The following ADGRD1 variants were observed in gnomAD, a reference collection of about 807,000 sequenced individuals.
ADGRD1 encodes adhesion G protein-coupled receptor D1.
Under a neutral mutation model 113.4 loss-of-function variants are expected in ADGRD1, and 77 were observed. The ratio of observed to expected loss-of-function variants is 0.68; its 90% CI spans 0.57 to 0.82. The LOEUF (loss-of-function observed/expected upper bound fraction) is 0.82, where lower values mean the gene tolerates loss of function less well. Ranked by LOEUF, ADGRD1 falls within the 40% of genes least tolerant of loss-of-function variation. ADGRD1 has a pLI of 0.00. For missense variants in ADGRD1, 1,036 were observed against 1,139.1 expected (o/e 0.91, Z 1.30); for synonymous variants, 474 against 475.0 (o/e 1.00, Z 0.03).
At chr12:131,117,692 C>G (rs540587422) in intron 18 of ADGRD1, among the ~76,000 whole-genome samples, 1 of 152,198 alleles carries the variant, frequency 6.6e-6, no homozygotes, top group African/African-American at 2.4e-5. Flanking sequence ...AGGAAGGAAC[C>G]AGCCCACCTG....
chr12:131,053,918 A>T (rs1883627820), intron 13 of ADGRD1, among the ~76,000 whole-genome samples: 1 of 152,154 alleles, frequency 6.6e-6, no homozygotes, highest in Non-Finnish European at 1.5e-5. Flanking sequence ...CTCACTGAAG[A>T]TGTAATTTGC....
intron 20 of ADGRD1, among the ~76,000 whole-genome samples, chr12:131,126,976 A>G (rs1346813977): frequency 6.6e-6 from 1 of 152,162 alleles, no homozygotes; most frequent in Non-Finnish European, 1.5e-5. Flanking sequence ...TGCCACTCGC[A>G]GCCAAAGTCC....
chr12:131,066,705 C>T (rs1305208836), intron 13 of ADGRD1, among the ~76,000 whole-genome samples: 8 of 152,176 alleles, frequency 5.3e-5, no homozygotes, highest in Non-Finnish European at 1.0e-4. Flanking sequence ...AGGAGCAGCA[C>T]GTGGGAGGCC....
chr12:131,077,216 G>C (rs1252451193), intron 14 of ADGRD1, among the ~76,000 whole-genome samples: 1 of 151,200 alleles, frequency 6.6e-6, no homozygotes, highest in African/African-American at 2.5e-5. Context: ...TGTCCCCCTC[G>C]AGGGTCTTGG....
In ADGRD1 at chr12:130,985,188, C is replaced by T. The variant is rs368563729; in HGVS notation, c.491-1907C>T. Among the ~76,000 whole-genome samples, 35 of 152,000 alleles carry T rather than the reference C, an allele frequency of 2.3e-4. 1 individual carries two copies. In the South Asian group the frequency reaches 6.9e-3, roughly 30 times the overall value. On this transcript the variant is annotated intron_variant, in intron 5 of 24. Coordinates refer to ENST00000261654, the MANE Select transcript of ADGRD1 (RefSeq NM_198827.5). ...CTGGCTTCAAGCGATCCTCCCATCT[C>T]AGCCTCCCAAAATGCGGGTCGTTTG... is the stretch of plus-strand genomic sequence containing the variant.
intron 13 of ADGRD1, among the ~76,000 whole-genome samples, chr12:131,048,980 G>A (rs902169131): frequency 6.6e-6 from 1 of 151,572 alleles, no homozygotes; most frequent in Non-Finnish European, 1.5e-5. Context: ...TTAAGGGATG[G>A]GAGAGAGAGA....
In ADGRD1 at chr12:131,120,836, T is replaced by A. The variant is rs576830422; in HGVS notation, c.2109-11T>A. On this transcript the variant is annotated splice_polypyrimidine_tract_variant and intron_variant, in intron 19 of 24. Transcript: ENST00000261654. ...AGGTTGTTGAAGTAACGGCTCTGCT[T>A]CCCTCCGCAGTTGCTGGCTGTCGTT... The A allele has an allele frequency of 1.9e-6, 3 of 1,614,142 alleles. No individual in the cohort carries two copies. In the African/African-American group the frequency reaches 4.0e-5, roughly 22 times the overall value.
In ADGRD1 at chr12:131,050,611, T is replaced by A. The variant is rs1451546835; in HGVS notation, c.1474-26190T>A. Among the ~76,000 whole-genome samples, 1 of 150,726 alleles carries A rather than the reference T, an allele frequency of 6.6e-6. No homozygotes were observed. The highest frequency in any genetic ancestry group is 2.4e-5 in the African/African-American group (1 of 40,868). On this transcript the variant is annotated intron_variant, in intron 13 of 24. Transcript: ENST00000261654. The surrounding 1 kb of genome is among the most constrained non-coding windows in gnomAD (Gnocchi z 4.8). The stretch of plus-strand genomic sequence containing the variant: ...TGGGCAGATCAAGAGAGGTGGGGGG[T>A]GCCACACACTTTTAAGCGACCAGAT...
intron 13 of ADGRD1, among the ~76,000 whole-genome samples, chr12:131,058,763 C>T (rs999894688): frequency 5.3e-5 from 8 of 152,160 alleles, no homozygotes; most frequent in Non-Finnish European, 1.2e-4. Flanking sequence ...GGTGAGATGT[C>T]CTTTCTCTCT....
chr12:130,997,314 C>T (rs1234320581), intron 8 of ADGRD1, among the ~76,000 whole-genome samples: 3 of 151,064 alleles, frequency 2.0e-5, no homozygotes, highest in East Asian at 2.0e-4. Context: ...CTGACCCCCA[C>T]CTCCCTCCCG....
chr12:130,969,206 C>G, intron 3 of ADGRD1: 1 of 635,782 alleles, frequency 1.6e-6, no homozygotes, highest in Non-Finnish European at 2.8e-6. Flanking sequence ...CCAGTCAAGA[C>G]AGCAGATCCA....
chr12:131,023,502 A>C (rs1392493254), intron 13 of ADGRD1: 2 of 152,122 alleles, frequency 1.3e-5, no homozygotes, highest in Non-Finnish European at 2.9e-5. Flanking sequence ...CTTTTGTGCC[A>C]AATGAACAGA....
At chr12:130,964,346 T>G (rs184970082) in intron 2 of ADGRD1, among the ~76,000 whole-genome samples, 1 of 152,296 alleles carries the variant, frequency 6.6e-6, no homozygotes, top group Admixed American at 6.5e-5. Context: ...TGTGGTGAAC[T>G]GGTTCCAATG....
intron 14 of ADGRD1, among the ~76,000 whole-genome samples, chr12:131,079,454 T>G (rs1221318154): frequency 6.6e-6 from 1 of 152,182 alleles, no homozygotes; most frequent in Non-Finnish European, 1.5e-5. Flanking sequence ...TGGTCTGCAG[T>G]TTTCTTTTTT....
intron 20 of ADGRD1, among the ~76,000 whole-genome samples, chr12:131,129,294 T>C (rs1950841673): frequency 7.9e-6 from 1 of 127,338 alleles, no homozygotes; most frequent in Admixed American, 8.1e-5. Flanking sequence ...TGGGTGTGAG[T>C]GGCAGCCCCG....
In ADGRD1 at chr12:130,984,527, G is replaced by A. The variant is rs968168578; in HGVS notation, c.490+2464G>A. On this transcript the variant is annotated intron_variant, in intron 5 of 24. Coordinates refer to ENST00000261654, the MANE Select transcript of ADGRD1 (RefSeq NM_198827.5). The surrounding 1 kb of genome is among the most constrained non-coding windows in gnomAD (Gnocchi z 4.1). ...AGAAAAATTGAGTGCAAAGTTCAGA[G>A]AATTCCCATTACCCTCCGCCTCTAC... Among the ~76,000 whole-genome samples the A allele has an allele frequency of 5.3e-5, 8 of 151,880 alleles. No individual in the cohort carries two copies. Among genetic ancestry groups the A allele is most frequent in the Non-Finnish European group, 1.2e-4 (8 of 67,966 alleles).
intron 5 of ADGRD1, among the ~76,000 whole-genome samples, chr12:130,985,559 G>T (rs117751708): frequency 8.7e-5 from 13 of 150,164 alleles, no homozygotes; most frequent in South Asian, 4.2e-4. Context: ...TTTTTTTTTT[G>T]TTTTTTTTGA....
chr12:131,004,840 G>A (rs1456463972), intron 11 of ADGRD1, among the ~76,000 whole-genome samples: 1 of 152,200 alleles, frequency 6.6e-6, no homozygotes, highest in African/African-American at 2.4e-5. Flanking sequence ...TCTGACCAGG[G>A]AGCCCTGTTG....
At chr12:131,056,443 G>C (rs1268714573) in intron 13 of ADGRD1, among the ~76,000 whole-genome samples, 1 of 152,202 alleles carries the variant, frequency 6.6e-6, no homozygotes, top group African/African-American at 2.4e-5. Context: ...AAAATTCGGG[G>C]ACAAGAGGCC....
Sources: allele counts gnomAD v4.1 joint callset (sites outside exome capture counted in the v4.1 genomes callset), GRCh38; gene constraint gnomAD v4.1.1; non-coding constraint Gnocchi (gnomAD v3.1); transcripts MANE v1.5; gene names NCBI Gene and HGNC (gene_info 2026-07-23, HGNC 2026-07-21).